The following SCD5 variants were observed in gnomAD, a reference collection of about 807,000 sequenced individuals.
SCD5 encodes acyl-CoA-desaturase 4.
A neutral mutation model predicts 30.4 loss-of-function variants in SCD5; 20 were observed. The observed-to-expected ratio is 0.66, with a 90% CI of 0.46 to 0.96. SCD5 has a LOEUF of 0.96. Among genes scored for constraint, SCD5 ranks in the 40% least tolerant of loss-of-function variants. The pLI is 0.00. For missense variants in SCD5, 381 were observed against 443.3 expected (o/e 0.86, Z 1.26); for synonymous variants, 173 against 176.4 (o/e 0.98, Z 0.16).
intron 1 of SCD5, 78 bp from the exon 2 acceptor site, chr4:82,705,491 A>T: frequency 1.3e-6 from 2 of 1,558,052 alleles, no homozygotes; most frequent in Non-Finnish European, 1.7e-6. Context: ...TCTCTCCTGA[A>T]CAGGGACACA....
intron 1 of SCD5, among the ~76,000 whole-genome samples, chr4:82,786,650 G>A (rs896288047): frequency 2.6e-5 from 4 of 151,892 alleles, no homozygotes; most frequent in South Asian, 2.1e-4. Flanking sequence ...AAATTAGCTC[G>A]GCATGGTGGT....
chr4:82,705,467 C>T, intron 1 of SCD5, 54 bp from the exon 2 acceptor site: 2 of 1,600,336 alleles, frequency 1.2e-6, no homozygotes, highest in Admixed American at 1.7e-5. Flanking sequence ...CTTTCAAACA[C>T]CCCCCATGCT....
chr4:82,725,427 C>T (rs1578039563), intron 1 of SCD5, among the ~76,000 whole-genome samples: 1 of 152,210 alleles, frequency 6.6e-6, no homozygotes, highest in African/African-American at 2.4e-5. Flanking sequence ...ACTCACAGTA[C>T]TATACCAGCA....
intron 1 of SCD5, among the ~76,000 whole-genome samples, chr4:82,763,259 C>A (rs1721417277): frequency 6.6e-6 from 1 of 152,134 alleles, no homozygotes; most frequent in Admixed American, 6.5e-5. Flanking sequence ...CATCTGTAAT[C>A]CCAGCACTTT....
At chr4:82,771,327 C>A (rs570972147) in intron 1 of SCD5, among the ~76,000 whole-genome samples, 1 of 152,300 alleles carries the variant, frequency 6.6e-6, no homozygotes, top group South Asian at 2.1e-4. Context: ...CTTCTCACTC[C>A]TTTCAGGGAT....
chr4:82,691,524 A>G (rs1192426987), intron 2 of SCD5, among the ~76,000 whole-genome samples: 4 of 152,316 alleles, frequency 2.6e-5, no homozygotes, highest in Non-Finnish European at 5.9e-5. Flanking sequence ...ATGCTATAAT[A>G]AAGAATATAT....
At chr4:82,798,171 G>A in intron 1 of SCD5, 135 bp downstream of exon 1, 1 of 996,186 alleles carries the variant, frequency 1.0e-6, no homozygotes. Flanking sequence ...GGGGGCCGCG[G>A]CGCGCAGCGG....
chr4:82,798,037 G>C (rs894578846), intron 1 of SCD5, among the ~76,000 whole-genome samples: 4 of 151,016 alleles, frequency 2.6e-5, no homozygotes, highest in African/African-American at 4.9e-5. Context: ...GCTCTCCATC[G>C]GGAAGCCGGC....
At chr4:82,673,403 A>G (rs1475884998) in intron 3 of SCD5, among the ~76,000 whole-genome samples, 3 of 152,160 alleles carry the variant, frequency 2.0e-5, no homozygotes. Flanking sequence ...AAAACACAAT[A>G]CCATTTACAT....
chr4:82,679,267 GGAA>G (rs1728512981), intron 3 of SCD5, among the ~76,000 whole-genome samples: 2 of 119,072 alleles, frequency 1.7e-5, no homozygotes, highest in Non-Finnish European at 3.5e-5. Context: ...AAAGAAGGAA[GGAA>G]AGAAAGAAAG....
intron 1 of SCD5, among the ~76,000 whole-genome samples, chr4:82,796,199 G>A (rs1722213829): frequency 6.6e-6 from 1 of 151,946 alleles, no homozygotes; most frequent in Non-Finnish European, 1.5e-5. Flanking sequence ...GAACCCAGGA[G>A]GCGGAGCTTG....
Position 82,712,292 on chromosome 4 carries a change from A to T in SCD5, c.233-6879T>A, listed in dbSNP as rs1373646308. 3.3e-3 allele frequency among the ~76,000 whole-genome samples: 107 copies of T among 32,550 alleles called. 19 individuals carry two copies. Among genetic ancestry groups the T allele is most frequent in the African/African-American group, 0.015 (101 of 6,960 alleles). 21.4% of individuals were successfully genotyped at this position (32,550 alleles called of 152,430 possible). On this transcript the variant is annotated intron_variant, in intron 1 of 4. Coordinates refer to ENST00000319540, the MANE Select transcript of SCD5 (RefSeq NM_001037582.3). Reference sequence around the variant, plus strand: ...TATATATATATATATATATATATATATATATTTTATTTTTATTTTATTTTT... The same window carrying T: ...TATATATATATATATATATATATATTTATATTTTATTTTTATTTTATTTTT...
At chr4:82,707,676 C>T (rs1360715043) in intron 1 of SCD5, among the ~76,000 whole-genome samples, 1 of 152,248 alleles carries the variant, frequency 6.6e-6, no homozygotes, top group Non-Finnish European at 1.5e-5. Context: ...GAGGATTCCT[C>T]CAGCCAACAG....
At chr4:82,791,493 T>C (rs1482989864) in intron 1 of SCD5, among the ~76,000 whole-genome samples, 1 of 151,756 alleles carries the variant, frequency 6.6e-6, no homozygotes, top group Non-Finnish European at 1.5e-5. Flanking sequence ...GCGGGCTGGC[T>C]AGAGTGTCTC....
At chr4:82,690,936 C>T (rs1445049747) in intron 2 of SCD5, among the ~76,000 whole-genome samples, 1 of 152,194 alleles carries the variant, frequency 6.6e-6, no homozygotes, top group Non-Finnish European at 1.5e-5. Flanking sequence ...TAATTTTAGA[C>T]TGGGATTAGA....
intron 1 of SCD5, among the ~76,000 whole-genome samples, chr4:82,713,717 G>C (rs1439280719): frequency 2.0e-5 from 3 of 152,106 alleles, no homozygotes; most frequent in African/African-American, 7.2e-5. Context: ...CATGTTGATT[G>C]GTCTCACTTT....
intron 3 of SCD5, among the ~76,000 whole-genome samples, chr4:82,644,614 C>T (rs561037665): frequency 1.3e-5 from 2 of 152,192 alleles, no homozygotes; most frequent in Admixed American, 6.5e-5. Context: ...GCAAGGAGTA[C>T]GATACAATCC....
chr4:82,654,377 T>G (rs1727825893), intron 3 of SCD5, among the ~76,000 whole-genome samples: 1 of 152,228 alleles, frequency 6.6e-6, no homozygotes, highest in Admixed American at 6.5e-5. Context: ...CTTTGGTCTC[T>G]ATTTCACTGG....
rs528111605 is a variant in SCD5 at position 82,713,984 on chromosome 4, A to C, written c.233-8571T>G. ...AGCCTGGGTACTCTATGATCGCTAC[A>C]TGACTGCACATGGCCAAGCCACTCT... On this transcript the variant is annotated intron_variant, in intron 1 of 4. Transcript: ENST00000319540. 3.9e-5 allele frequency among the ~76,000 whole-genome samples: 6 copies of C among 152,238 alleles called. No individual in the cohort carries two copies. In the East Asian group the frequency reaches 9.7e-4, roughly 24 times the overall value.
Sources: allele counts gnomAD v4.1 joint callset (sites outside exome capture counted in the v4.1 genomes callset), GRCh38; gene constraint gnomAD v4.1.1; transcripts MANE v1.5; gene names NCBI Gene and HGNC (gene_info 2026-07-23, HGNC 2026-07-21).